The following TRIM59 variants were observed in gnomAD, a reference collection of about 807,000 sequenced individuals.
TRIM59 encodes tripartite motif containing 59.
In TRIM59, 14 loss-of-function variants were observed where a neutral mutation model predicts 32.2. The observed-to-expected ratio is 0.43, with a 90% confidence interval of 0.29 to 0.68. TRIM59 has a LOEUF of 0.68. TRIM59 is among the 30% of genes least tolerant of loss of function. The probability of loss-of-function intolerance (pLI) is 0.15; values close to 1 mark genes in which losing one functional copy is unlikely to be tolerated. For synonymous variants in TRIM59, 163 were observed against 155.1 expected (o/e 1.05, Z -0.38); for missense variants, 471 against 463.3 (o/e 1.02, Z -0.15).
chr3:160,449,721 G>C lies in TRIM59; in HGVS notation c.-78C>G. 1 of 1,290,004 alleles carries C rather than the reference G, an allele frequency of 7.8e-7. No individual in the cohort carries two copies. The highest frequency in any genetic ancestry group is 1.0e-6 in the Non-Finnish European group (1 of 988,984). The allele number at this position is 1,290,004 out of a possible 1,614,324, so 79.9% of individuals were successfully genotyped here. ...CGTAAAGGTCCTTAGACTCACCGCG[G>C]GGAGGAAGCGGACCAGGCAACTCCA... On this transcript the variant is annotated 5_prime_UTR_variant, in exon 1 of 3. Coordinates refer to ENST00000309784, the MANE Select transcript of TRIM59 (RefSeq NM_173084.3).
Position 160,436,490 on chromosome 3 carries a change from C to T in TRIM59, c.*1482G>A. ...CTTTGATTTAATTGGCCCTCTTAAG[C>T]AAAGCTAATAAAAGATTAAGTTGTT... On this transcript the variant is annotated 3_prime_UTR_variant, in exon 3 of 3. Transcript: ENST00000309784. 9 of 985,748 alleles carry T rather than the reference C, an allele frequency of 9.1e-6. No homozygotes were observed. The highest frequency in any genetic ancestry group is 1.1e-5 in the Non-Finnish European group (9 of 829,942). 61.1% of individuals were successfully genotyped at this position (985,748 alleles called of 1,614,324 possible). A position where few individuals can be genotyped will look rare whatever the true frequency, so the allele number is the denominator to read the frequency against.
Position 160,435,644 on chromosome 3 carries a change from T to C in TRIM59, c.*2328A>G, listed in dbSNP as rs1283283382. ...CAGCAGCATAAGAACCAGTTACTCATATACTCAACTATATTCATGCATACT... is the reference window on the plus strand; with the variant it reads ...CAGCAGCATAAGAACCAGTTACTCACATACTCAACTATATTCATGCATACT... On this transcript the variant is annotated 3_prime_UTR_variant, in exon 3 of 3. Transcript: ENST00000309784. 1 of 184,218 alleles carries C rather than the reference T, an allele frequency of 5.4e-6. No individual in the cohort carries two copies. The highest frequency in any genetic ancestry group is 1.2e-5 in the Non-Finnish European group (1 of 86,304). 11.4% of individuals were successfully genotyped at this position (184,218 alleles called of 1,614,324 possible). A position where few individuals can be genotyped will look rare whatever the true frequency, so the allele number is the denominator to read the frequency against.
intron 1 of TRIM59, 177 bp downstream of exon 1, chr3:160,449,540 C>G: frequency 8.0e-7 from 1 of 1,256,960 alleles, no homozygotes; most frequent in Non-Finnish European, 1.0e-6. Context: ...GGGAAAGTGG[C>G]TCCCCAAACT....
At chr3:160,441,678 C>G (rs965308891) in intron 2 of TRIM59, among the ~76,000 whole-genome samples, 1 of 147,092 alleles carries the variant, frequency 6.8e-6, no homozygotes, top group Non-Finnish European at 1.5e-5. Flanking sequence ...GGCGTCAACC[C>G]GGGAGGCAGA....
chr3:160,437,071 C>T lies in TRIM59; in HGVS notation c.*901G>A. The T allele has an allele frequency of 1.0e-6, 1 of 985,334 alleles. No homozygotes were observed. The allele number at this position is 985,334 out of a possible 1,614,324, so 61.0% of individuals were successfully genotyped here. A position where few individuals can be genotyped will look rare whatever the true frequency, so the allele number is the denominator to read the frequency against. ...ACAAGTATTAGAAAATGCTGGCCCC[C>T]AGGCACAGTGTGGCTAACGTCTGTA... On this transcript the variant is annotated 3_prime_UTR_variant, in exon 3 of 3. Transcript: ENST00000309784.
Position 160,435,961 on chromosome 3 carries a change from A to T in TRIM59, c.*2011T>A. ...TTAAGTAGTTTAACACATAATGGCT[A>T]ACATTTCATTGCTTACGTGTTTTTG... is the stretch of plus-strand genomic sequence containing the variant. On this transcript the variant is annotated 3_prime_UTR_variant, in exon 3 of 3. Transcript: ENST00000309784. 7.8e-7 allele frequency: 1 copy of T among 1,280,024 alleles called. No individual in the cohort carries two copies. Among genetic ancestry groups the T allele is most frequent in the Non-Finnish European group, 1.0e-6 (1 of 985,210 alleles). The allele number at this position is 1,280,024 out of a possible 1,614,324, so 79.3% of individuals were successfully genotyped here. A position where few individuals can be genotyped will look rare whatever the true frequency, so the allele number is the denominator to read the frequency against.
intron 1 of TRIM59, chr3:160,449,328 G>T (rs1188698204): frequency 9.0e-6 from 3 of 334,132 alleles, no homozygotes; most frequent in Non-Finnish European, 1.5e-5. Context: ...CTCCCACAAA[G>T]GGGCTCAAAA....
At chr3:160,444,528 G>A (rs1408200963) in intron 2 of TRIM59, among the ~76,000 whole-genome samples, 3 of 152,164 alleles carry the variant, frequency 2.0e-5, no homozygotes, top group Admixed American at 6.5e-5. Context: ...TCCCACATGA[G>A]CTGTCCTATA....
chr3:160,447,559 A>C (rs1333867821), intron 2 of TRIM59, among the ~76,000 whole-genome samples: 3 of 152,242 alleles, frequency 2.0e-5, no homozygotes, highest in Admixed American at 6.5e-5. Context: ...TAGGTAATAG[A>C]CAGTATAATA....
Position 160,436,941 on chromosome 3 carries a change from C to A in TRIM59, c.*1031G>T, listed in dbSNP as rs1015026874. The A allele has an allele frequency of 4.5e-5, 44 of 984,384 alleles. No individual in the cohort carries two copies. Among genetic ancestry groups the A allele is most frequent in the South Asian group, 1.9e-4 (4 of 21,262 alleles). The allele number at this position is 984,384 out of a possible 1,614,324, so 61.0% of individuals were successfully genotyped here. A position where few individuals can be genotyped will look rare whatever the true frequency, so the allele number is the denominator to read the frequency against. Reference sequence around the variant, plus strand: ...CAAAACCTGTTGCAGACCAAGTTACCAACATGATTCTGTTCTAATAAGAAT... The same window carrying A: ...CAAAACCTGTTGCAGACCAAGTTACAAACATGATTCTGTTCTAATAAGAAT... On this transcript the variant is annotated 3_prime_UTR_variant, in exon 3 of 3. Transcript: ENST00000309784.
At chr3:160,449,502 C>G in intron 1 of TRIM59, 1 of 1,209,402 alleles carries the variant, frequency 8.3e-7, no homozygotes, top group Non-Finnish European at 1.1e-6. Context: ...TCCTCCCTCA[C>G]AGGAACGCAG....
In TRIM59 at chr3:160,436,017, GTATTT is replaced by G. The variant is rs1718924092; in HGVS notation, c.*1950_*1954del. The G allele has an allele frequency of 8.2e-7, 1 of 1,221,756 alleles. No homozygotes were observed. The highest frequency in any genetic ancestry group is 2.9e-5 in the Admixed American group (1 of 33,984). 75.7% of individuals were successfully genotyped at this position (1,221,756 alleles called of 1,614,324 possible). ...ACAGGGCACTTTTATGGTGTGACTA[GTATTT>G]TAAGTAATCAGTGCAACTTAGTATT... On this transcript the variant is annotated 3_prime_UTR_variant, in exon 3 of 3. Coordinates refer to ENST00000309784, the MANE Select transcript of TRIM59 (RefSeq NM_173084.3).
chr3:160,440,359 G>A (rs892326142), intron 2 of TRIM59, among the ~76,000 whole-genome samples: 1 of 152,258 alleles, frequency 6.6e-6, no homozygotes, highest in African/African-American at 2.4e-5. Flanking sequence ...CTCTCGATCC[G>A]TATTTCTCTG....
chr3:160,447,221 A>T (rs184600655), intron 2 of TRIM59, among the ~76,000 whole-genome samples: 31 of 152,206 alleles, frequency 2.0e-4, no homozygotes, highest in African/African-American at 7.5e-4. Context: ...AATTTGAATC[A>T]ATTTATACTA....
At chr3:160,446,003 C>T (rs1035078217) in intron 2 of TRIM59, among the ~76,000 whole-genome samples, 2 of 151,986 alleles carry the variant, frequency 1.3e-5, no homozygotes, top group African/African-American at 4.8e-5. Context: ...GAGATAGGGT[C>T]TCACTACGTT....
intron 1 of TRIM59, among the ~76,000 whole-genome samples, chr3:160,449,112 T>C (rs925621926): frequency 2.0e-5 from 3 of 152,196 alleles, no homozygotes; most frequent in Non-Finnish European, 4.4e-5. Context: ...GTGCTTAAAA[T>C]TAACTGCAAG....
In TRIM59 at chr3:160,436,551, C is replaced by T; in HGVS notation, c.*1421G>A. The T allele has an allele frequency of 1.0e-6, 1 of 983,316 alleles. No individual in the cohort carries two copies. Among genetic ancestry groups the T allele is most frequent in the Middle Eastern group, 5.2e-4 (1 of 1,916 alleles). The allele number at this position is 983,316 out of a possible 1,614,324, so 60.9% of individuals were successfully genotyped here. A position where few individuals can be genotyped will look rare whatever the true frequency, so the allele number is the denominator to read the frequency against. On this transcript the variant is annotated 3_prime_UTR_variant, in exon 3 of 3. Coordinates refer to ENST00000309784, the MANE Select transcript of TRIM59 (RefSeq NM_173084.3). ...TGGCGGCTCACGCCTATAATCCCAG[C>T]ATTTTGGGAGGCTGAGGCGAGTGGA...
intron 2 of TRIM59, 112 bp downstream of exon 2, chr3:160,448,614 C>T (rs965377486): frequency 5.8e-5 from 34 of 586,544 alleles, no homozygotes; most frequent in Non-Finnish European, 8.6e-5. Context: ...TTATACACCG[C>T]CAACACAATG....
chr3:160,437,421 A>C lies in TRIM59; in HGVS notation c.*551T>G, dbSNP rs1319903388. On this transcript the variant is annotated 3_prime_UTR_variant, in exon 3 of 3. Coordinates refer to ENST00000309784, the MANE Select transcript of TRIM59 (RefSeq NM_173084.3). Reference sequence around the variant, plus strand: ...AAAAGCAATAGTTTTATTTGGAGTGAATGGTGATAAGCATTTAGGGCTCTT... The same window carrying C: ...AAAAGCAATAGTTTTATTTGGAGTGCATGGTGATAAGCATTTAGGGCTCTT... The C allele has an allele frequency of 7.1e-6, 7 of 985,324 alleles. No homozygotes were observed. The highest frequency in any genetic ancestry group is 5.2e-5 in the African/African-American group (3 of 57,240). The allele number at this position is 985,324 out of a possible 1,614,324, so 61.0% of individuals were successfully genotyped here. A position where few individuals can be genotyped will look rare whatever the true frequency, so the allele number is the denominator to read the frequency against.
Sources: gnomAD v4.1 joint callset for allele counts (sites outside exome capture counted in the v4.1 genomes callset) on GRCh38, gnomAD v4.1.1 for gene constraint, MANE v1.5 for transcripts, NCBI Gene and HGNC (gene_info 2026-07-23, HGNC 2026-07-21) for gene names.